Variants in STX8 observed in about 807,000 individuals in gnomAD.
The protein encoded by STX8 is syntaxin-8.
STX8 carries 23 observed loss-of-function variants against 37.5 expected under a neutral mutation model. The ratio of observed to expected loss-of-function variants is 0.61; its 90% CI spans 0.44 to 0.87. The LOEUF is 0.87. STX8 is among the 40% of genes least tolerant of loss of function. The probability of loss-of-function intolerance (pLI) is 0.00; values close to 1 mark genes in which losing one functional copy is unlikely to be tolerated. For synonymous variants in STX8, 115 were observed against 99.1 expected, an observed-to-expected ratio of 1.16 and a Z score of -0.95; for missense variants, 313 against 284.7, an observed-to-expected ratio of 1.10 and a Z score of -0.71.
intron 4 of STX8, among the ~76,000 whole-genome samples, chr17:9,516,035 G>A (rs1172326726): frequency 1.3e-5 from 2 of 151,874 alleles, no homozygotes; most frequent in Non-Finnish European, 2.9e-5. Flanking sequence ...GAATTACACA[G>A]GATTTGTCCA....
Position 9,378,664 on chromosome 17 carries a change from A to C in STX8, c.542-11T>G. ...GGTCGTCAATTATCTCTAGAAAGGA[A>C]ACATACATGATTACTATTCCTGAAA... On this transcript the variant is annotated splice_polypyrimidine_tract_variant and intron_variant, in intron 6 of 7. Coordinates refer to ENST00000306357, the MANE Select transcript of STX8 (RefSeq NM_004853.3). 2 of 1,595,970 alleles carry C rather than the reference A, an allele frequency of 1.3e-6. No individual in the cohort carries two copies. Among genetic ancestry groups the C allele is most frequent in the Non-Finnish European group, 1.7e-6 (2 of 1,163,742 alleles).
chr17:9,509,947 C>T lies in STX8; in HGVS notation c.324-4785G>A, dbSNP rs142681733. ...CAAAGGTATGGAAAAAGATATTCTACGCAAACAAAAACCAAAAGCAAGCAG... is the reference window on the plus strand; with the variant it reads ...CAAAGGTATGGAAAAAGATATTCTATGCAAACAAAAACCAAAAGCAAGCAG... On this transcript the variant is annotated intron_variant, in intron 4 of 7. Coordinates refer to ENST00000306357, the MANE Select transcript of STX8 (RefSeq NM_004853.3). Among the ~76,000 whole-genome samples, 18 of 151,754 alleles carry T rather than the reference C, an allele frequency of 1.2e-4. No individual in the cohort carries two copies. The East Asian group carries it at 1.5e-3, about 13-fold the overall frequency.
Position 9,341,506 on chromosome 17 carries a change from G to A in STX8, c.643+37046C>T, listed in dbSNP as rs143980849. Among the ~76,000 whole-genome samples, 344 of 152,178 alleles carry A rather than the reference G, an allele frequency of 2.3e-3. 4 individuals are homozygous for A. The East Asian group carries it at 0.047, about 21-fold the overall frequency. ...GGCTAGAGTGCAATGGCGTGATCTC[G>A]GCTCACTGCAACCTCTGTCTCCTGG... On this transcript the variant is annotated intron_variant, in intron 7 of 7. Coordinates refer to ENST00000306357, the MANE Select transcript of STX8 (RefSeq NM_004853.3).
At chr17:9,326,864 A>T (rs1040346415) in intron 7 of STX8, among the ~76,000 whole-genome samples, 5 of 152,198 alleles carry the variant, frequency 3.3e-5, no homozygotes, top group Non-Finnish European at 5.9e-5. Flanking sequence ...AGCCTTCAAA[A>T]ATGAAGATCT....
chr17:9,401,538 T>C (rs535994166), intron 6 of STX8, among the ~76,000 whole-genome samples: 100 of 152,314 alleles, frequency 6.6e-4, no homozygotes, highest in Non-Finnish European at 1.2e-3. Context: ...ACCTCACTAA[T>C]AAGTGCTAGG....
chr17:9,489,073 T>C (rs7225586), intron 6 of STX8, among the ~76,000 whole-genome samples: 152,239 of 152,250 alleles, frequency 1, 76,114 homozygotes, highest in Non-Finnish European at 1. Flanking sequence ...GGTGGGGTTT[T>C]ACCACGTTGG....
At chr17:9,498,106 A>G (rs12952170) in intron 5 of STX8, among the ~76,000 whole-genome samples, 39,118 of 151,988 alleles carry the variant, frequency 0.26, 5,249 homozygotes, top group South Asian at 0.38. Flanking sequence ...AAATCAGGTC[A>G]CCCAGGTGCA....
intron 3 of STX8, among the ~76,000 whole-genome samples, chr17:9,548,843 A>G (rs1906652371): frequency 6.6e-6 from 1 of 152,154 alleles, no homozygotes; most frequent in African/African-American, 2.4e-5. Flanking sequence ...TCCTAACTAT[A>G]TATGTGTGTA....
chr17:9,277,536 C>T (rs1363777816), intron 7 of STX8, among the ~76,000 whole-genome samples: 1 of 152,038 alleles, frequency 6.6e-6, no homozygotes, highest in East Asian at 1.9e-4. Flanking sequence ...CAACAAGGGT[C>T]AAGATAGACA....
intron 6 of STX8, among the ~76,000 whole-genome samples, chr17:9,432,178 T>TAAAAA (rs557761519): frequency 8.7e-4 from 132 of 152,188 alleles, no homozygotes; most frequent in South Asian, 2.1e-3. Flanking sequence ...AGTTCTTAAG[T>TAAAAA]AAAAATAAAA....
intron 6 of STX8, among the ~76,000 whole-genome samples, chr17:9,420,966 C>T (rs186773960): frequency 3.5e-4 from 54 of 152,276 alleles, no homozygotes; most frequent in African/African-American, 1.3e-3. Context: ...AGTTTCTCAG[C>T]GGGCTCTCTG....
chr17:9,405,585 G>A (rs1912773443), intron 6 of STX8, among the ~76,000 whole-genome samples: 1 of 152,152 alleles, frequency 6.6e-6, no homozygotes. Flanking sequence ...AAATGCATTT[G>A]CACAAAACTG....
intron 2 of STX8, among the ~76,000 whole-genome samples, chr17:9,558,806 G>C (rs867810318): frequency 5.0e-4 from 76 of 150,576 alleles, no homozygotes; most frequent in African/African-American, 1.7e-3. Flanking sequence ...CTGGGCGACA[G>C]AGCGAGACTC....
intron 7 of STX8, among the ~76,000 whole-genome samples, chr17:9,347,222 T>G (rs1198614125): frequency 6.6e-6 from 1 of 152,146 alleles, no homozygotes; most frequent in African/African-American, 2.4e-5. Context: ...CCTAGTTCAC[T>G]TTAATAACCC....
At chr17:9,551,431 C>T (rs1415342643) in intron 3 of STX8, among the ~76,000 whole-genome samples, 1 of 152,238 alleles carries the variant, frequency 6.6e-6, no homozygotes, top group East Asian at 1.9e-4. Context: ...GAAATCTTTA[C>T]AATAATGATA....
rs553347683 is a variant in STX8 at position 9,424,166 on chromosome 17, C to G, written c.542-45513G>C. On this transcript the variant is annotated intron_variant, in intron 6 of 7. Coordinates refer to ENST00000306357, the MANE Select transcript of STX8 (RefSeq NM_004853.3). ...TTGGGTTCCCTGGCTGGGCGACCCC[C>G]TAAGATATGAAGCTGGGTTGGCTGT... 3.9e-5 allele frequency among the ~76,000 whole-genome samples: 6 copies of G among 152,244 alleles called. No individual in the cohort carries two copies. In the East Asian group the frequency reaches 1.2e-3, roughly 29 times the overall value.
At chr17:9,465,648 C>T (rs965905889) in intron 6 of STX8, among the ~76,000 whole-genome samples, 1 of 152,162 alleles carries the variant, frequency 6.6e-6, no homozygotes, top group African/African-American at 2.4e-5. Flanking sequence ...TCAAGCAGCA[C>T]GCCTGTCATC....
chr17:9,331,929 CA>C (rs1425170601), intron 7 of STX8, among the ~76,000 whole-genome samples: 6 of 152,192 alleles, frequency 3.9e-5, no homozygotes, highest in Non-Finnish European at 5.9e-5. Context: ...ATTCTTCATT[CA>C]CGGATCTGTA....
intron 7 of STX8, among the ~76,000 whole-genome samples, chr17:9,282,358 T>C (rs973842560): frequency 1.3e-5 from 2 of 152,212 alleles, no homozygotes; most frequent in African/African-American, 4.8e-5. Context: ...GGTCTCAAAC[T>C]CCTGACCTCA....
Sources: allele counts gnomAD v4.1 joint callset (sites outside exome capture counted in the v4.1 genomes callset), GRCh38; gene constraint gnomAD v4.1.1; transcripts MANE v1.5; gene names NCBI Gene and HGNC (gene_info 2026-07-23, HGNC 2026-07-21).